Variants in PIP4K2A observed in about 807,000 individuals in gnomAD.
PIP4K2A encodes the protein phosphatidylinositol 5-phosphate 4-kinase type-2 alpha.
PIP4K2A carries 14 observed loss-of-function variants against 42.9 expected under a neutral mutation model. That is an observed-to-expected ratio of 0.33 (90% CI 0.22 to 0.51). The LOEUF is 0.51. PIP4K2A is among the 20% of genes least tolerant of loss of function. PIP4K2A has a pLI of 0.97. For missense variants in PIP4K2A, 434 were observed against 519.8 expected, an observed-to-expected ratio of 0.83 and a Z score of 1.61; for synonymous variants, 192 against 192.2, an observed-to-expected ratio of 1.00 and a Z score of 0.01.
chr10:22,653,607 G>A (rs1839036809), intron 1 of PIP4K2A, among the ~76,000 whole-genome samples: 1 of 152,124 alleles, frequency 6.6e-6, no homozygotes, highest in African/African-American at 2.4e-5. Context: ...TCCATCCTAC[G>A]CACCTAAAGT....
intron 4 of PIP4K2A, among the ~76,000 whole-genome samples, chr10:22,585,284 G>C (rs1837368013): frequency 6.6e-6 from 1 of 152,146 alleles, no homozygotes; most frequent in African/African-American, 2.4e-5. Flanking sequence ...TAAAATCCTT[G>C]AAATTTGAGG....
intron 1 of PIP4K2A, among the ~76,000 whole-genome samples, chr10:22,652,070 T>C (rs1261593520): frequency 6.6e-6 from 1 of 152,182 alleles, no homozygotes; most frequent in African/African-American, 2.4e-5. Context: ...AGTGCTTAAT[T>C]TGTGTTGAAT....
intron 3 of PIP4K2A, among the ~76,000 whole-genome samples, chr10:22,605,843 T>TA (rs5783801): frequency 4.7e-4 from 69 of 146,190 alleles, no homozygotes; most frequent in South Asian, 1.9e-3. Context: ...TTAATTCCTT[T>TA]AAAAAAAAAA....
rs1204956093 is a variant in PIP4K2A, at chr10:22,664,206, T to C, written c.144+49977A>G. Among the ~76,000 whole-genome samples the C allele has an allele frequency of 3.9e-4, 18 of 45,944 alleles. 2 individuals carry two copies. The highest frequency in any genetic ancestry group is 1.8e-3 in the South Asian group (3 of 1,642). 30.1% of individuals were successfully genotyped at this position (45,944 alleles called of 152,430 possible). On this transcript the variant is annotated intron_variant, in intron 1 of 9. Transcript: ENST00000376573. ...ACATATATATACATATATATATACATATATATATATACATATATATATACA... is the reference window on the plus strand; with the variant it reads ...ACATATATATACATATATATATACACATATATATATACATATATATATACA...
intron 1 of PIP4K2A, among the ~76,000 whole-genome samples, chr10:22,664,078 T>TATATATATATAC (rs1839270019): frequency 3.0e-5 from 2 of 66,360 alleles, no homozygotes; most frequent in African/African-American, 1.2e-4. Context: ...TATATATACG[T>TATATATATATAC]ATATATATAT....
intron 6 of PIP4K2A, among the ~76,000 whole-genome samples, chr10:22,563,977 T>C (rs1050714914): frequency 6.6e-6 from 1 of 152,180 alleles, no homozygotes; most frequent in African/African-American, 2.4e-5. Flanking sequence ...AGATACAGGA[T>C]AAAAGCATCC....
intron 1 of PIP4K2A, among the ~76,000 whole-genome samples, chr10:22,643,052 G>A (rs1268366831): frequency 1.3e-5 from 2 of 152,130 alleles, no homozygotes; most frequent in African/African-American, 2.4e-5. Flanking sequence ...CACCAAGGAG[G>A]AGGAGTGGAA....
chr10:22,617,389 A>G (rs1200069659), intron 1 of PIP4K2A, among the ~76,000 whole-genome samples: 3 of 152,266 alleles, frequency 2.0e-5, no homozygotes, highest in African/African-American at 7.2e-5. Context: ...ACATTTAAAA[A>G]ATAAACCTCA....
At chr10:22,648,096 C>T (rs1230200221) in intron 1 of PIP4K2A, among the ~76,000 whole-genome samples, 1 of 152,148 alleles carries the variant, frequency 6.6e-6, no homozygotes, top group Non-Finnish European at 1.5e-5. Flanking sequence ...ATATTCAAGC[C>T]CTGACTTATC....
At chr10:22,613,689 G>A (rs1277251198) in intron 1 of PIP4K2A, among the ~76,000 whole-genome samples, 1 of 152,164 alleles carries the variant, frequency 6.6e-6, no homozygotes, top group Non-Finnish European at 1.5e-5. Flanking sequence ...GGGCTTCCGG[G>A]CAGAGCTGAG....
At chr10:22,648,918 C>A (rs1350905177) in intron 1 of PIP4K2A, among the ~76,000 whole-genome samples, 1 of 152,166 alleles carries the variant, frequency 6.6e-6, no homozygotes, top group Admixed American at 6.5e-5. Flanking sequence ...ATGCCATTTG[C>A]TTGAGGGCAG....
chr10:22,610,783 C>G (rs1043197498), intron 1 of PIP4K2A, among the ~76,000 whole-genome samples: 1 of 152,150 alleles, frequency 6.6e-6, no homozygotes, highest in Non-Finnish European at 1.5e-5. Context: ...AAGGCTTCAA[C>G]GTTAACCTGA....
chr10:22,553,706 A>G (rs192284268), intron 6 of PIP4K2A, among the ~76,000 whole-genome samples: 21 of 150,674 alleles, frequency 1.4e-4, no homozygotes, highest in Non-Finnish European at 2.8e-4. Flanking sequence ...TATAATCCCC[A>G]TCACCACCCC....
At chr10:22,675,142 T>A (rs551716584) in intron 1 of PIP4K2A, among the ~76,000 whole-genome samples, 12 of 152,336 alleles carry the variant, frequency 7.9e-5, no homozygotes, top group African/African-American at 2.2e-4. Context: ...TTACATATCA[T>A]TCATTCAATG....
In PIP4K2A at chr10:22,664,070, TATATAC is replaced by T. The variant is rs1839267164; in HGVS notation, c.144+50107_144+50112del. On this transcript the variant is annotated intron_variant, in intron 1 of 9. Coordinates refer to ENST00000376573, the MANE Select transcript of PIP4K2A (RefSeq NM_005028.5). ...ATACATATGTATATATACATATATATATATACGTATATATATATACATATATATATA... is the reference window on the plus strand; with the variant it reads ...ATACATATGTATATATACATATATATGTATATATATATACATATATATATA... Among the ~76,000 whole-genome samples the T allele has an allele frequency of 2.4e-5, 2 of 82,282 alleles. 1 individual carries two copies. The highest frequency in any genetic ancestry group is 1.7e-4 in the African/African-American group (2 of 11,834). 54.0% of individuals were successfully genotyped at this position (82,282 alleles called of 152,430 possible).
chr10:22,568,312 G>C (rs1250222158), intron 5 of PIP4K2A, among the ~76,000 whole-genome samples: 1 of 152,106 alleles, frequency 6.6e-6, no homozygotes, highest in Non-Finnish European at 1.5e-5. Context: ...GGGACCACAG[G>C]AGCGTTAAGT....
At chr10:22,583,404 G>A (rs187931963) in intron 4 of PIP4K2A, among the ~76,000 whole-genome samples, 4 of 152,318 alleles carry the variant, frequency 2.6e-5, no homozygotes, top group Admixed American at 2.6e-4. Context: ...CTGGGGCTGG[G>A]GGGGAGCTGA....
chr10:22,648,925 G>C (rs982327074), intron 1 of PIP4K2A, among the ~76,000 whole-genome samples: 3 of 152,090 alleles, frequency 2.0e-5, no homozygotes, highest in African/African-American at 4.8e-5. Flanking sequence ...TTGCTTGAGG[G>C]CAGAAAGCAC....
chr10:22,551,654 C>T (rs11013046), intron 6 of PIP4K2A, among the ~76,000 whole-genome samples: 83,820 of 152,114 alleles, frequency 0.55, 23,867 homozygotes, highest in South Asian at 0.75. Context: ...CCACCCCTTT[C>T]GGCTAACCAT....
Sources: gnomAD v4.1 joint callset for allele counts (sites outside exome capture counted in the v4.1 genomes callset) on GRCh38, gnomAD v4.1.1 for gene constraint, MANE v1.5 for transcripts, NCBI Gene and HGNC (gene_info 2026-07-23, HGNC 2026-07-21) for gene names.